KIF6: variants seen among roughly 807,000 people sequenced by gnomAD.
The protein encoded by KIF6 is kinesin family member 6.
A neutral mutation model predicts 112.7 loss-of-function variants in KIF6; 106 were observed. That is an observed-to-expected ratio of 0.94 (90% confidence interval 0.80 to 1.11). The LOEUF (loss-of-function observed/expected upper bound fraction) is 1.11, where lower values mean the gene tolerates loss of function less well. Ranked by LOEUF, KIF6 falls within the 50% of genes least tolerant of loss-of-function variation. The pLI is 0.00. For synonymous variants in KIF6, 339 were observed against 339.9 expected (o/e 1.00, Z 0.03); for missense variants, 929 against 964.0 (o/e 0.96, Z 0.48).
chr6:39,332,379 G>T lies in KIF6; in HGVS notation c.*4153C>A, dbSNP rs1238153304. 6.6e-6 allele frequency: 1 copy of T among 152,036 alleles called. No individual in the cohort carries two copies. The highest frequency in any genetic ancestry group is 1.5e-5 in the Non-Finnish European group (1 of 67,986). 9.4% of individuals were successfully genotyped at this position (152,036 alleles called of 1,614,324 possible). A position where few individuals can be genotyped will look rare whatever the true frequency, so the allele number is the denominator to read the frequency against. Reference sequence around the variant, plus strand: ...TTGGATGCTGGTTTCTTTTTGGTTTGTTTTTCATATTCCTTTAGATATTTT... The same window carrying T: ...TTGGATGCTGGTTTCTTTTTGGTTTTTTTTTCATATTCCTTTAGATATTTT... On this transcript the variant is annotated 3_prime_UTR_variant, in exon 23 of 23. Transcript: ENST00000287152.
intron 13 of KIF6, among the ~76,000 whole-genome samples, chr6:39,448,095 C>T (rs1772442620): frequency 6.6e-6 from 1 of 152,164 alleles, no homozygotes; most frequent in South Asian, 2.1e-4. Flanking sequence ...ATATAATCTC[C>T]ATCAGCCTCG....
chr6:39,559,860 C>T (rs1779920005), intron 10 of KIF6, among the ~76,000 whole-genome samples: 1 of 150,702 alleles, frequency 6.6e-6, no homozygotes. Context: ...CAGCAAATAT[C>T]AACTAACTAA....
At chr6:39,699,695 G>T (rs949536989) in intron 3 of KIF6, among the ~76,000 whole-genome samples, 1 of 152,034 alleles carries the variant, frequency 6.6e-6, no homozygotes, top group Non-Finnish European at 1.5e-5. Context: ...AAACATTTTA[G>T]TATTTGTAAT....
intron 3 of KIF6, among the ~76,000 whole-genome samples, chr6:39,709,605 G>C (rs1214608488): frequency 6.6e-6 from 1 of 152,150 alleles, no homozygotes; most frequent in African/African-American, 2.4e-5. Flanking sequence ...TCACTGGTTT[G>C]GACGAAGTAG....
chr6:39,694,540 C>T (rs1402103420), intron 3 of KIF6, among the ~76,000 whole-genome samples: 9 of 152,034 alleles, frequency 5.9e-5, no homozygotes, highest in Non-Finnish European at 1.0e-4. Flanking sequence ...AAGCTGAGAA[C>T]CAAATCAAGA....
chr6:39,663,247 A>G (rs1286094110), intron 3 of KIF6, among the ~76,000 whole-genome samples: 1 of 152,230 alleles, frequency 6.6e-6, no homozygotes, highest in Non-Finnish European at 1.5e-5. Flanking sequence ...GTTTTGGACT[A>G]TTTGTAGATA....
At chr6:39,519,506 A>G (rs1002249006) in intron 13 of KIF6, among the ~76,000 whole-genome samples, 6 of 152,170 alleles carry the variant, frequency 3.9e-5, no homozygotes, top group Admixed American at 1.3e-4. Flanking sequence ...TAAGCATCCT[A>G]TGACATATTG....
intron 13 of KIF6, among the ~76,000 whole-genome samples, chr6:39,473,825 T>C (rs1029330826): frequency 1.3e-5 from 2 of 152,174 alleles, no homozygotes; most frequent in African/African-American, 4.8e-5. Context: ...AGCTTTATTT[T>C]CCCCTCTTTT....
At chr6:39,431,233 C>G (rs1280282780) in intron 13 of KIF6, 72 bp from the exon 14 acceptor site, 3 of 903,550 alleles carry the variant, frequency 3.3e-6, no homozygotes, top group Non-Finnish European at 5.3e-6. Flanking sequence ...TCACTTCAGT[C>G]AGACCACAAA....
chr6:39,620,971 G>T (rs979673954), intron 5 of KIF6, among the ~76,000 whole-genome samples: 2 of 151,984 alleles, frequency 1.3e-5, no homozygotes, highest in Non-Finnish European at 2.9e-5. Flanking sequence ...GTTTTGCCAT[G>T]TTAGCCAGGC....
rs75513387 is a variant in KIF6, at chr6:39,492,294, G to A, written c.1645+47709C>T. ...TATCTTGAAGAGATGCATGGATTTT[G>A]TCTAATGGAGTGGATTATAAATTAA... On this transcript the variant is annotated intron_variant, in intron 13 of 22. Transcript: ENST00000287152. Among the ~76,000 whole-genome samples, 352 of 152,308 alleles carry A rather than the reference G, an allele frequency of 2.3e-3. 1 individual carries two copies. The highest frequency in any genetic ancestry group is 8.0e-3 in the African/African-American group (332 of 41,564).
chr6:39,430,821 G>C (rs1403892336), intron 14 of KIF6, among the ~76,000 whole-genome samples: 1 of 152,226 alleles, frequency 6.6e-6, no homozygotes, highest in Non-Finnish European at 1.5e-5. Flanking sequence ...GATACTGTCA[G>C]TAACAGACCC....
intron 13 of KIF6, among the ~76,000 whole-genome samples, chr6:39,479,137 G>T (rs1774635051): frequency 6.6e-6 from 1 of 152,006 alleles, no homozygotes; most frequent in Non-Finnish European, 1.5e-5. Context: ...TGTTTTTGTT[G>T]CATTTGCTTT....
intron 19 of KIF6, among the ~76,000 whole-genome samples, chr6:39,356,614 C>G (rs1375930659): frequency 6.6e-6 from 1 of 152,166 alleles, no homozygotes; most frequent in South Asian, 2.1e-4. Flanking sequence ...TGTGAGGGCT[C>G]AGCACCCCTT....
intron 10 of KIF6, among the ~76,000 whole-genome samples, chr6:39,570,406 G>C (rs550739400): frequency 6.6e-6 from 1 of 152,322 alleles, no homozygotes; most frequent in East Asian, 1.9e-4. Flanking sequence ...AATATCCAGT[G>C]ACTGGAATAT....
chr6:39,334,230 ATC>A lies in KIF6; in HGVS notation c.*2300_*2301del, dbSNP rs1762834212. 1 of 152,186 alleles carries A rather than the reference ATC, an allele frequency of 6.6e-6. No homozygotes were observed. Among genetic ancestry groups the A allele is most frequent in the African/African-American group, 2.4e-5 (1 of 41,444 alleles). The allele number at this position is 152,186 out of a possible 1,614,324, so 9.4% of individuals were successfully genotyped here. On this transcript the variant is annotated 3_prime_UTR_variant, in exon 23 of 23. Coordinates refer to ENST00000287152, the MANE Select transcript of KIF6 (RefSeq NM_145027.6). ...CACCCCGCATGGGGCCATGCCACAC[ATC>A]TCTGTCAGTAAGGCCTTTGGATCCA...
chr6:39,346,085 T>TCTC lies in KIF6; in HGVS notation c.2232-297_2232-296insGAG, dbSNP rs1212794740. On this transcript the variant is annotated intron_variant, in intron 20 of 22. Transcript: ENST00000287152. ...CTCTCTCTCTCTCTCTCTCTCTCTC[T>TCTC]CCCCCCCCTCTCCCTCCCCCCCTCC... 4.7e-3 allele frequency among the ~76,000 whole-genome samples: 101 copies of TCTC among 21,604 alleles called. 3 individuals carry two copies. Among genetic ancestry groups the TCTC allele is most frequent in the Non-Finnish European group, 6.7e-3 (84 of 12,472 alleles). 14.2% of individuals were successfully genotyped at this position (21,604 alleles called of 152,430 possible).
intron 13 of KIF6, among the ~76,000 whole-genome samples, chr6:39,516,822 AT>A (rs1582029969): frequency 6.6e-6 from 1 of 152,320 alleles, no homozygotes; most frequent in East Asian, 1.9e-4. Context: ...CAATGCCTAG[AT>A]TACCAGAAAG....
chr6:39,692,249 T>G (rs1788256829), intron 3 of KIF6, among the ~76,000 whole-genome samples: 1 of 152,190 alleles, frequency 6.6e-6, no homozygotes, highest in African/African-American at 2.4e-5. Flanking sequence ...CTCAACCTGG[T>G]CAATAAAGAA....
Sources: allele counts gnomAD v4.1 joint callset (sites outside exome capture counted in the v4.1 genomes callset), GRCh38; gene constraint gnomAD v4.1.1; transcripts MANE v1.5; gene names NCBI Gene and HGNC (gene_info 2026-07-23, HGNC 2026-07-21).